CAMK1D: variants seen among roughly 807,000 people sequenced by gnomAD.
CAMK1D encodes the protein calcium/calmodulin-dependent protein kinase type 1D.
CAMK1D carries 9 observed loss-of-function variants against 47.7 expected under a neutral mutation model. The observed-to-expected ratio is 0.19, with a 90% CI of 0.11 to 0.33. The LOEUF is 0.33. Among genes scored for constraint, CAMK1D ranks in the 10% least tolerant of loss-of-function variants. The pLI is 1.00. For synonymous variants in CAMK1D, 184 were observed against 184.9 expected (o/e 0.99, Z 0.04); for missense variants, 291 against 488.7 (o/e 0.60, Z 3.81).
rs575049493 is a variant in CAMK1D at position 12,782,240 on chromosome 10, AGCT to A, written c.566-8916_566-8914del. 3.9e-5 allele frequency among the ~76,000 whole-genome samples: 6 copies of A among 152,200 alleles called. No individual in the cohort carries two copies. In the South Asian group the frequency reaches 1.0e-3, roughly 26 times the overall value. ...ATACTGGAAACCTGGGTGAAGCAGC[AGCT>A]GTTTATCAAGATGCTCCTGGTAAAA... On this transcript the variant is annotated intron_variant, in intron 5 of 10. Transcript: ENST00000619168.
At chr10:12,533,133 C>T (rs1835862711) in intron 1 of CAMK1D, among the ~76,000 whole-genome samples, 1 of 152,182 alleles carries the variant, frequency 6.6e-6, no homozygotes, top group Non-Finnish European at 1.5e-5. Context: ...GTACCCCATT[C>T]TCCATGATGG....
chr10:12,558,709 G>T (rs1235414655), intron 2 of CAMK1D, among the ~76,000 whole-genome samples: 2 of 152,188 alleles, frequency 1.3e-5, no homozygotes, highest in African/African-American at 4.8e-5. Flanking sequence ...CAAACCAGCT[G>T]TGTCTGGAGC....
At chr10:12,521,166 G>A (rs1425230554) in intron 1 of CAMK1D, among the ~76,000 whole-genome samples, 1 of 151,832 alleles carries the variant, frequency 6.6e-6, no homozygotes, top group Non-Finnish European at 1.5e-5. Context: ...GCCAAATTTG[G>A]GTTAAATTTG....
chr10:12,394,219 G>A (rs1308156886), intron 1 of CAMK1D, among the ~76,000 whole-genome samples: 1 of 152,216 alleles, frequency 6.6e-6, no homozygotes. Flanking sequence ...ATGGGGCGAG[G>A]TGTAGGGTGG....
chr10:12,396,105 C>T (rs1320704848), intron 1 of CAMK1D, among the ~76,000 whole-genome samples: 1 of 152,032 alleles, frequency 6.6e-6, no homozygotes, highest in Non-Finnish European at 1.5e-5. Context: ...AACTCCTGAC[C>T]TCAGGTGAAT....
intron 6 of CAMK1D, among the ~76,000 whole-genome samples, chr10:12,812,847 G>A (rs1322372908): frequency 2.0e-5 from 3 of 152,148 alleles, no homozygotes; most frequent in Non-Finnish European, 4.4e-5. Context: ...GAGTGTTTTA[G>A]CCAGCCAAAC....
intron 2 of CAMK1D, among the ~76,000 whole-genome samples, chr10:12,623,058 TCCC>T (rs1839050301): frequency 1.8e-5 from 1 of 56,458 alleles, no homozygotes; most frequent in Non-Finnish European, 3.4e-5. Flanking sequence ...CCTCCCTCCC[TCCC>T]TCCCTTCCTC....
At chr10:12,756,762 T>G (rs890606572) in intron 3 of CAMK1D, among the ~76,000 whole-genome samples, 1 of 152,012 alleles carries the variant, frequency 6.6e-6, no homozygotes, top group East Asian at 1.9e-4. Flanking sequence ...CCGTCTCTAC[T>G]AAAAATACAA....
intron 2 of CAMK1D, among the ~76,000 whole-genome samples, chr10:12,583,723 T>A (rs997413827): frequency 8.6e-5 from 13 of 151,598 alleles, no homozygotes; most frequent in African/African-American, 3.1e-4. Flanking sequence ...TGCCTCAGCC[T>A]CCCGAGTAGC....
At chr10:12,350,294 G>A (rs1837314788) in intron 1 of CAMK1D, among the ~76,000 whole-genome samples, 1 of 152,268 alleles carries the variant, frequency 6.6e-6, no homozygotes, top group African/African-American at 2.4e-5. Context: ...TGGGCGCACC[G>A]CGTTGGCGAG....
intron 2 of CAMK1D, among the ~76,000 whole-genome samples, chr10:12,636,839 A>G (rs938057930): frequency 1.3e-5 from 2 of 152,184 alleles, no homozygotes; most frequent in Non-Finnish European, 2.9e-5. Context: ...ACAGAACAGA[A>G]TACTGTTCAC....
chr10:12,784,443 C>A (rs1322187274), intron 5 of CAMK1D, among the ~76,000 whole-genome samples: 1 of 152,148 alleles, frequency 6.6e-6, no homozygotes, highest in Non-Finnish European at 1.5e-5. Context: ...GGTGATTCAT[C>A]CTCCTTGGCC....
At chr10:12,440,459 T>G (rs1312127403) in intron 1 of CAMK1D, among the ~76,000 whole-genome samples, 1 of 152,116 alleles carries the variant, frequency 6.6e-6, no homozygotes, top group East Asian at 1.9e-4. Context: ...GGCTAATTTT[T>G]GTACTTTTAG....
chr10:12,545,007 A>G (rs186675403), intron 1 of CAMK1D, among the ~76,000 whole-genome samples: 19 of 152,352 alleles, frequency 1.2e-4, no homozygotes, highest in African/African-American at 3.4e-4. Context: ...AGAGCCCCCA[A>G]TAATGGTGAT....
chr10:12,641,638 A>G (rs1265542652), intron 2 of CAMK1D, among the ~76,000 whole-genome samples: 4 of 152,070 alleles, frequency 2.6e-5, no homozygotes, highest in Middle Eastern at 3.4e-3. Context: ...AAAGCAAAGA[A>G]AAAAAGAGAA....
rs145982552 is a variant in CAMK1D, at chr10:12,809,758, C to T, written c.642-4437C>T. Reference sequence around the variant, plus strand: ...GGGAGAGACATGAGGAGTTACTAATCACTGGGTATACAGTTTCAGTGAAGC... The same window carrying T: ...GGGAGAGACATGAGGAGTTACTAATTACTGGGTATACAGTTTCAGTGAAGC... On this transcript the variant is annotated intron_variant, in intron 6 of 10. Coordinates refer to ENST00000619168, the MANE Select transcript of CAMK1D (RefSeq NM_153498.4). Among the ~76,000 whole-genome samples the T allele has an allele frequency of 1.8e-3, 281 of 152,306 alleles. 1 individual carries two copies. Among genetic ancestry groups the T allele is most frequent in the African/African-American group, 6.4e-3 (265 of 41,562 alleles).
chr10:12,651,203 G>C (rs10752270), intron 2 of CAMK1D, among the ~76,000 whole-genome samples: 80,208 of 151,384 alleles, frequency 0.53, 21,543 homozygotes, highest in East Asian at 0.57. Context: ...ACGGCTTTGC[G>C]CCCCAAGCCC....
intron 2 of CAMK1D, among the ~76,000 whole-genome samples, chr10:12,644,284 C>T (rs575279435): frequency 4.6e-5 from 7 of 152,090 alleles, no homozygotes; most frequent in African/African-American, 1.4e-4. Flanking sequence ...AGTTTCCCAA[C>T]GAAAACAAAT....
chr10:12,607,762 A>C (rs1246415624), intron 2 of CAMK1D, among the ~76,000 whole-genome samples: 1 of 152,144 alleles, frequency 6.6e-6, no homozygotes, highest in African/African-American at 2.4e-5. Context: ...GGAGTTCCAG[A>C]CCAGCCTAAG....
Sources: allele counts gnomAD v4.1 joint callset (sites outside exome capture counted in the v4.1 genomes callset), GRCh38; gene constraint gnomAD v4.1.1; transcripts MANE v1.5; gene names NCBI Gene and HGNC (gene_info 2026-07-23, HGNC 2026-07-21).